The following TTC6 variants were observed in gnomAD, a reference collection of about 807,000 sequenced individuals.
TTC6 encodes the protein tetratricopeptide repeat domain 6, also known as tetratricopeptide repeat protein 6.
Under a neutral mutation model 210.4 loss-of-function variants are expected in TTC6, and 172 were observed. The ratio of observed to expected loss-of-function variants is 0.82; its 90% CI spans 0.72 to 0.93. The LOEUF (loss-of-function observed/expected upper bound fraction) is 0.93. Among genes scored for constraint, TTC6 ranks in the 40% least tolerant of loss-of-function variants. The probability of loss-of-function intolerance (pLI) is 0.00; values close to 1 mark genes in which losing one functional copy is unlikely to be tolerated. For missense variants in TTC6, 2,414 were observed against 2,318.1 expected, an observed-to-expected ratio of 1.04 and a Z score of -0.85; for synonymous variants, 804 against 819.6, an observed-to-expected ratio of 0.98 and a Z score of 0.32.
intron 29 of TTC6, among the ~76,000 whole-genome samples, chr14:37,828,185 G>T (rs963170935): frequency 9.2e-5 from 14 of 151,760 alleles, no homozygotes; most frequent in Admixed American, 2.6e-4. Context: ...AAAAATGTTG[G>T]GTCATTAGAT....
chr14:37,622,263 T>C, exon 1 of TTC6: 1 of 1,535,048 alleles, frequency 6.5e-7, no homozygotes, highest in Non-Finnish European at 8.7e-7. Context: ...GCGCGTTTCC[T>C]GCGCCGCAGC....
At chr14:37,787,765 A>G in intron 15 of TTC6, 128 bp downstream of exon 17, 3 of 618,184 alleles carry the variant, frequency 4.9e-6, no homozygotes, top group Non-Finnish European at 7.3e-6. Flanking sequence ...AATATACATT[A>G]TAAGTATATA....
At position 37,826,105 on chromosome 14, in the gene TTC6, C is replaced by T. The variant is rs867211030; in HGVS notation, c.4975-90C>T. ...TTAGCATGGCATAAATATACCCTTACTAAAGGTTTTATTTGATGGAGTCAG... is the reference window on the plus strand; with the variant it reads ...TTAGCATGGCATAAATATACCCTTATTAAAGGTTTTATTTGATGGAGTCAG... On this transcript the variant is annotated intron_variant, in intron 27 of 30. Coordinates refer to ENST00000553443, the Ensembl canonical transcript of TTC6. 31 of 1,333,006 alleles carry T rather than the reference C, an allele frequency of 2.3e-5. No individual in the cohort carries two copies. In the South Asian group the frequency reaches 4.5e-4, roughly 19 times the overall value. The allele number at this position is 1,333,006 out of a possible 1,614,324, so 82.6% of individuals were successfully genotyped here. A position where few individuals can be genotyped will look rare whatever the true frequency, so the allele number is the denominator to read the frequency against.
Position 37,598,140 on chromosome 14 carries a change from C to T in TTC6, c.-235+2132C>T, listed in dbSNP as rs2095608100. 6.6e-6 allele frequency among the ~76,000 whole-genome samples: 1 copy of T among 152,192 alleles called. No homozygotes were observed. Among genetic ancestry groups the T allele is most frequent in the Non-Finnish European group, 1.5e-5 (1 of 68,030 alleles). Reference sequence around the variant, plus strand: ...CCTGCTCTTTTCCAACCTCTTTTCCCAAATAGGCACCTACACCATTGGAAA... The same window carrying T: ...CCTGCTCTTTTCCAACCTCTTTTCCTAAATAGGCACCTACACCATTGGAAA... On this transcript the variant is annotated intron_variant, in intron 1 of 2. Coordinates refer to the TTC6 transcript ENST00000556845. This position sits in a 1 kb window ranked among gnomAD's most constrained non-coding sequence, Gnocchi z 4.9.
intron 7 of TTC6, among the ~76,000 whole-genome samples, chr14:37,733,512 A>G (rs1430960384): frequency 6.6e-6 from 1 of 152,138 alleles, no homozygotes; most frequent in African/African-American, 2.4e-5. Flanking sequence ...ATATATTGGC[A>G]GATGTTTTAA....
At chr14:37,689,616 A>G (rs4901110) in intron 3 of TTC6, among the ~76,000 whole-genome samples, 93,189 of 151,954 alleles carry the variant, frequency 0.61, 28,839 homozygotes, top group East Asian at 0.85. Flanking sequence ...TATGTCCAGC[A>G]GCAGACTTTT....
chr14:37,823,425 A>C (rs2096162710), intron 26 of TTC6, among the ~76,000 whole-genome samples: 1 of 152,210 alleles, frequency 6.6e-6, no homozygotes, highest in Admixed American at 6.6e-5. Context: ...CTGGTAATTG[A>C]TACCTGTTAA....
rs1168907316 is a variant in TTC6, at chr14:37,735,886, A to G, written c.1819-35A>G. 1.5e-5 allele frequency: 20 copies of G among 1,349,588 alleles called. No homozygotes were observed. In the East Asian group the frequency reaches 5.0e-4, roughly 34 times the overall value. 83.6% of individuals were successfully genotyped at this position (1,349,588 alleles called of 1,614,324 possible). Reference sequence around the variant, plus strand: ...TCATAGGCTTTTAAAAAGTATTCCAAAACATAATTTAAAATTGTTATCTTT... The same window carrying G: ...TCATAGGCTTTTAAAAAGTATTCCAGAACATAATTTAAAATTGTTATCTTT... On this transcript the variant is annotated intron_variant, in intron 7 of 30. Transcript: ENST00000553443.
At chr14:37,829,133 T>G (rs573493990) in intron 29 of TTC6, among the ~76,000 whole-genome samples, 2 of 152,162 alleles carry the variant, frequency 1.3e-5, no homozygotes, top group East Asian at 3.9e-4. Context: ...CCTTTGCTTT[T>G]CCTTTTATTT....
chr14:37,786,579 G>A (rs1217741732), intron 14 of TTC6, among the ~76,000 whole-genome samples: 3 of 152,224 alleles, frequency 2.0e-5, no homozygotes, highest in African/African-American at 7.2e-5. Flanking sequence ...CTTCCCGGGT[G>A]AGGCGGTGCC....
At chr14:37,842,259 C>A (rs1176546907) in exon 31 of TTC6, 2 of 1,607,022 alleles carry the variant, frequency 1.2e-6, no homozygotes, top group Non-Finnish European at 1.7e-6. Context: ...TAACCAAGCA[C>A]TTGATCTTGA....
At chr14:37,813,511 T>G (rs1265926394) in intron 25 of TTC6, among the ~76,000 whole-genome samples, 1 of 152,166 alleles carries the variant, frequency 6.6e-6, no homozygotes, top group African/African-American at 2.4e-5. Flanking sequence ...TATTTAGTAC[T>G]AAGCAACCAC....
At chr14:37,796,576 G>T (rs1038635902) in intron 19 of TTC6, among the ~76,000 whole-genome samples, 3 of 152,104 alleles carry the variant, frequency 2.0e-5, no homozygotes, top group South Asian at 2.1e-4. Context: ...GAAATATTAA[G>T]CTTACAATTT....
exon 22 of TTC6, chr14:37,806,454 G>T: frequency 6.5e-7 from 1 of 1,535,342 alleles, no homozygotes; most frequent in Non-Finnish European, 8.7e-7. Context: ...ACTCCACAAG[G>T]ATAGCTCGAT....
chr14:37,789,888 G>T (rs2096075652), intron 15 of TTC6, among the ~76,000 whole-genome samples: 1 of 152,054 alleles, frequency 6.6e-6, no homozygotes, highest in South Asian at 2.1e-4. Context: ...CAAACATTAT[G>T]CATATTTTGA....
intron 1 of TTC6, among the ~76,000 whole-genome samples, chr14:37,652,165 C>T (rs34586390): frequency 3.9e-5 from 6 of 152,194 alleles, no homozygotes; most frequent in South Asian, 2.1e-4. Context: ...ATGGACTCAG[C>T]GTTAGGTGGT....
At chr14:37,687,567 C>T (rs904931687) in intron 3 of TTC6, among the ~76,000 whole-genome samples, 9 of 152,120 alleles carry the variant, frequency 5.9e-5, no homozygotes, top group African/African-American at 1.2e-4. Flanking sequence ...GCTCCAAAAG[C>T]GACTCCTTCC....
intron 2 of TTC6, among the ~76,000 whole-genome samples, chr14:37,614,539 A>G (rs891414331): frequency 1.3e-5 from 2 of 152,056 alleles, no homozygotes; most frequent in Non-Finnish European, 2.9e-5. Context: ...ATCTTCATTC[A>G]TTTTTAAAGA....
rs1330600827 is a variant in TTC6, at chr14:37,701,480, A to G, written c.1525A>G (p.Thr509Ala). 2.0e-6 allele frequency: 3 copies of G among 1,521,308 alleles called. No individual in the cohort carries two copies. In the African/African-American group the frequency reaches 4.2e-5, roughly 21 times the overall value. 94.2% of individuals were successfully genotyped at this position (1,521,308 alleles called of 1,614,324 possible). ...CGATACCCTGCTTGGAAAATTTGGA[A>G]CCTCTTTCTTAGATGATCGCTTTAC... The change falls in exon 5 of 31, where the codon ACC becomes GCC. Residue 509 changes from threonine to alanine, a missense_variant. By Grantham distance (58) the Thr-to-Ala change is moderately conservative. Coordinates refer to ENST00000553443, the Ensembl canonical transcript of TTC6.
Sources: allele counts gnomAD v4.1 joint callset (sites outside exome capture counted in the v4.1 genomes callset), GRCh38; gene constraint gnomAD v4.1.1; non-coding constraint Gnocchi (gnomAD v3.1); transcripts MANE v1.5; gene names NCBI Gene and HGNC (gene_info 2026-07-23, HGNC 2026-07-21).